POLR1A: variants seen among roughly 807,000 people sequenced by gnomAD.
POLR1A encodes the protein DNA-directed RNA polymerase I subunit RPA1.
Under a neutral mutation model 205.3 loss-of-function variants are expected in POLR1A, and 84 were observed. That is an observed-to-expected ratio of 0.41 (90% confidence interval 0.34 to 0.49). The LOEUF is 0.49. Ranked by LOEUF, POLR1A falls within the 20% of genes least tolerant of loss-of-function variation. The pLI is 0.22. For synonymous variants in POLR1A, 799 were observed against 863.7 expected, an observed-to-expected ratio of 0.93 and a Z score of 1.31; for missense variants, 1,645 against 2,204.5, an observed-to-expected ratio of 0.75 and a Z score of 5.08.
intron 4 of POLR1A, 151 bp from the exon 5 acceptor site, chr2:86,089,021 A>T (rs1673555482): frequency 3.3e-6 from 2 of 599,888 alleles, no homozygotes; most frequent in Non-Finnish European, 5.9e-6. Context: ...GAACCCTAAT[A>T]CACTTGAGCT....
intron 27 of POLR1A, among the ~76,000 whole-genome samples, chr2:86,037,994 C>T (rs1327239699): frequency 1.3e-5 from 2 of 152,256 alleles, no homozygotes; most frequent in Non-Finnish European, 2.9e-5. Flanking sequence ...TTTGTGTTCA[C>T]ACTTCACCGT....
At chr2:86,046,838 C>CAAAA (rs10694655) in intron 19 of POLR1A, among the ~76,000 whole-genome samples, 1,873 of 151,576 alleles carry the variant, frequency 0.012, 50 homozygotes, top group African/African-American at 0.043. Context: ...CGAAAAAAAA[C>CAAAA]GAAAGAAAGA....
chr2:86,065,258 GTTCTCTCCCAA>G lies in POLR1A; in HGVS notation c.2058+5_2058+15del, dbSNP rs1251446114. The G allele has an allele frequency of 6.2e-7, 1 of 1,609,544 alleles. No homozygotes were observed. The highest frequency in any genetic ancestry group is 1.7e-5 in the Admixed American group (1 of 59,406). ...TTTCCTTTTGTTACATACACTGGCT[GTTCTCTCCCAA>G]TTACCTGTTTTCCTGTCCACAGCGG... On this transcript the variant is annotated splice_donor_5th_base_variant and intron_variant, in intron 14 of 33. Transcript: ENST00000263857.
intron 28 of POLR1A, 56 bp from the exon 29 acceptor site, chr2:86,032,438 A>AATCC: frequency 1.6e-6 from 2 of 1,243,416 alleles, no homozygotes; most frequent in South Asian, 2.4e-5. Context: ...GTGCTCAGTG[A>AATCC]ATCCATCCAT....
At position 86,044,255 on chromosome 2, in the gene POLR1A, C is replaced by T. The variant is rs1672672164; in HGVS notation, c.3019G>A (p.Val1007Ile). 5 of 1,614,198 alleles carry T rather than the reference C, an allele frequency of 3.1e-6. No individual in the cohort carries two copies. The highest frequency in any genetic ancestry group is 4.2e-6 in the Non-Finnish European group (5 of 1,180,034). Residue 1007 changes from valine (V) to isoleucine (I), a missense_variant, in exon 22 of 34, where the codon GTC becomes ATC. Coordinates refer to ENST00000263857, the MANE Select transcript of POLR1A (RefSeq NM_015425.6). ...EGLVVQYDLTVRDSDGSVVQF... is the reference protein window; with the variant it reads ...EGLVVQYDLTIRDSDGSVVQF... ...ACCACACTGCCGTCACTGTCACGGA[C>T]CGTGAGATCATACTGCACGACCAGC...
Position 86,033,680 on chromosome 2 carries a change from C to G in POLR1A, c.4142G>C (p.Gly1381Ala). 1 of 1,613,750 alleles carries G rather than the reference C, an allele frequency of 6.2e-7. No homozygotes were observed. The highest frequency in any genetic ancestry group is 8.5e-7 in the Non-Finnish European group (1 of 1,179,996). The change falls in exon 28 of 34, where the codon GGG (glycine) becomes GCG (alanine). Residue 1381 changes from glycine (G) to alanine (A), a missense_variant. Physicochemically the swap from Gly to Ala is moderately conservative, Grantham distance 60. Coordinates refer to ENST00000263857, the MANE Select transcript of POLR1A (RefSeq NM_015425.6). Reference protein sequence around the residue: ...RATQRDLDNAGELGRSRGEQE... With the variant: ...RATQRDLDNAAELGRSRGEQE... ...ACTCACCCGACTCCTCCCCAACTCC[C>G]CAGCGTTGTCCAGATCCCGCTGTGT...
intron 1 of POLR1A, among the ~76,000 whole-genome samples, chr2:86,101,881 C>T (rs1395500614): frequency 6.6e-6 from 1 of 152,200 alleles, no homozygotes; most frequent in Non-Finnish European, 1.5e-5. Context: ...AGTGGAATCA[C>T]ACCGTACTTG....
At chr2:86,082,511 G>A (rs1024722876) in intron 7 of POLR1A, among the ~76,000 whole-genome samples, 1 of 149,912 alleles carries the variant, frequency 6.7e-6, no homozygotes, top group African/African-American at 2.4e-5. Context: ...ACTAGGGCCT[G>A]CCACAGAAGC....
chr2:86,070,083 T>C lies in POLR1A; in HGVS notation c.1801A>G (p.Ser601Gly). 6.2e-7 allele frequency: 1 copy of C among 1,614,124 alleles called. No individual in the cohort carries two copies. Among genetic ancestry groups the C allele is most frequent in the South Asian group, 1.1e-5 (1 of 91,072 alleles). ...TAGGCCTCGGCCCGGCCCAGCTCAC[T>C]CTGGGGGAAATGGGCATTCATCTCG... ...GDEMNAHFPQ[S>G]ELGRAEAYVL... The change falls in exon 13 of 34, where the codon AGT becomes GGT. Residue 601 changes from serine (S) to glycine (G), a missense_variant. Physicochemically the swap from Ser to Gly is moderately conservative, Grantham distance 56. Transcript: ENST00000263857. This position sits in a 1 kb window ranked among gnomAD's most constrained non-coding sequence, Gnocchi z 4.4.
chr2:86,048,316 C>T (rs1462560679), intron 18 of POLR1A, among the ~76,000 whole-genome samples: 2 of 152,228 alleles, frequency 1.3e-5, no homozygotes, highest in Non-Finnish European at 2.9e-5. Context: ...GCAGAGATTT[C>T]CCCTCTCCTT....
At chr2:86,067,615 G>A (rs1673105053) in intron 13 of POLR1A, among the ~76,000 whole-genome samples, 1 of 152,154 alleles carries the variant, frequency 6.6e-6, no homozygotes, top group African/African-American at 2.4e-5. Flanking sequence ...ACTTAAGGAA[G>A]ATAACCTGGT....
intron 11 of POLR1A, 74 bp downstream of exon 11, chr2:86,077,785 A>G (rs560369538): frequency 1.3e-6 from 2 of 1,541,916 alleles, no homozygotes; most frequent in East Asian, 2.3e-5. Flanking sequence ...ACCCACGGGG[A>G]GCAAATGAGC....
chr2:86,074,526 C>G (rs549930072), intron 12 of POLR1A, among the ~76,000 whole-genome samples: 12 of 152,320 alleles, frequency 7.9e-5, no homozygotes, highest in Non-Finnish European at 1.5e-4. Context: ...ATCATGTGCT[C>G]CTTCCAGTGG....
At position 86,027,181 on chromosome 2, in the gene POLR1A, T is replaced by C. The variant is rs1376329001; in HGVS notation, c.*242A>G. On this transcript the variant is annotated 3_prime_UTR_variant, in exon 34 of 34. Transcript: ENST00000263857. ...TCTCAGGGGGACTCAGAAGACTTGG[T>C]AAACCTTGATAAAAATCCAGAGACA... is the stretch of plus-strand genomic sequence containing the variant. The C allele has an allele frequency of 5.3e-6, 3 of 567,512 alleles. No homozygotes were observed. Among genetic ancestry groups the C allele is most frequent in the African/African-American group, 3.8e-5 (2 of 53,284 alleles). The allele number at this position is 567,512 out of a possible 1,614,324, so 35.2% of individuals were successfully genotyped here.
At chr2:86,043,853 T>C (rs1672662064) in intron 22 of POLR1A, among the ~76,000 whole-genome samples, 1 of 152,152 alleles carries the variant, frequency 6.6e-6, no homozygotes, top group African/African-American at 2.4e-5. Flanking sequence ...CGGATAGTAT[T>C]GATAGTGTGC....
chr2:86,031,490 TC>T lies in POLR1A; in HGVS notation c.4417del (p.Asp1473ThrfsTer8), dbSNP rs1331249524. On this transcript the variant is annotated frameshift_variant, in exon 30 of 34. Coordinates refer to ENST00000263857, the MANE Select transcript of POLR1A (RefSeq NM_015425.6). LOFTEE classifies it high-confidence loss of function. Reference sequence around the variant, plus strand: ...CGTCAGGAGGGCGGGAAGGGACGGGTCCTCCTCAGTGCCTAAGCCCACCTCT... The same window carrying T: ...CGTCAGGAGGGCGGGAAGGGACGGGTCTCCTCAGTGCCTAAGCCCACCTCT... Reference protein sequence around the residue: ...DEEVGLGTEEDPSLPALLTQP... With the variant: ...DEEVGLGTEEXPSLPALLTQP... 6.2e-7 allele frequency: 1 copy of T among 1,613,810 alleles called. No homozygotes were observed. Among genetic ancestry groups the T allele is most frequent in the Non-Finnish European group, 8.5e-7 (1 of 1,179,918 alleles).
chr2:86,089,372 C>T (rs1245522975), intron 4 of POLR1A, among the ~76,000 whole-genome samples: 1 of 152,234 alleles, frequency 6.6e-6, no homozygotes, highest in African/African-American at 2.4e-5. Flanking sequence ...AAATCAGCAT[C>T]TCTGGTGTGA....
At chr2:86,036,250 G>A (rs1458121170) in intron 27 of POLR1A, among the ~76,000 whole-genome samples, 1 of 152,170 alleles carries the variant, frequency 6.6e-6, no homozygotes, top group African/African-American at 2.4e-5. Context: ...GGGACCGGAG[G>A]CCAAAACTTA....
Position 86,033,631 on chromosome 2 carries a change from A to C in POLR1A, c.4161+30T>G, listed in dbSNP as rs755752713. On this transcript the variant is annotated intron_variant, in intron 28 of 33. Transcript: ENST00000263857. ...CCCAGTCTGGGGGCTGTCCCTGTGC[A>C]ACTCTAGTGACCCCCGGGGACTCAC... The C allele has an allele frequency of 6.2e-6, 10 of 1,608,226 alleles. No homozygotes were observed. The African/African-American group carries it at 1.2e-4, about 19-fold the overall frequency.
Sources: gnomAD v4.1 joint callset for allele counts (sites outside exome capture counted in the v4.1 genomes callset) on GRCh38, gnomAD v4.1.1 for gene constraint, Gnocchi (gnomAD v3.1) non-coding constraint, MANE v1.5 for transcripts, NCBI Gene and HGNC (gene_info 2026-07-23, HGNC 2026-07-21) for gene names.